The following CNTN1 variants were observed in gnomAD, a reference collection of about 807,000 sequenced individuals.
CNTN1 encodes the protein contactin-1.
In CNTN1, 38 loss-of-function variants were observed where a neutral mutation model predicts 126.4. The observed-to-expected ratio is 0.30, with a 90% CI of 0.23 to 0.39. CNTN1 has a LOEUF of 0.39. Ranked by LOEUF, CNTN1 falls within the 10% of genes least tolerant of loss-of-function variation. CNTN1 has a pLI of 1.00. For missense variants in CNTN1, 1,009 were observed against 1,248.4 expected, an observed-to-expected ratio of 0.81 and a Z score of 2.89; for synonymous variants, 413 against 422.6, an observed-to-expected ratio of 0.98 and a Z score of 0.28.
At chr12:40,918,356 C>T (rs928009250) in intron 3 of CNTN1, among the ~76,000 whole-genome samples, 3 of 152,054 alleles carry the variant, frequency 2.0e-5, no homozygotes, top group East Asian at 1.9e-4. Context: ...AAAGCATATG[C>T]GGAGGCTCAG....
intron 1 of CNTN1, among the ~76,000 whole-genome samples, chr12:40,725,401 C>CAAAA (rs34242859): frequency 6.6e-5 from 3 of 45,314 alleles, no homozygotes; most frequent in African/African-American, 9.1e-5. Context: ...AACTCTGTCT[C>CAAAA]AAAAAAAAAA....
At position 40,771,947 on chromosome 12, in the gene CNTN1, G is replaced by T. The variant is rs186360024; in HGVS notation, c.-77+79355G>T. On this transcript the variant is annotated intron_variant, in intron 1 of 23. Transcript: ENST00000551295. ...ATTTGGACAGAACACATGGCAAGTG[G>T]CAGAGGAGGATTAGAATCTAAGTCT... Among the ~76,000 whole-genome samples, 28 of 152,080 alleles carry T rather than the reference G, an allele frequency of 1.8e-4. No homozygotes were observed. The East Asian group carries it at 5.0e-3, about 27-fold the overall frequency.
chr12:40,924,312 G>C (rs1453805363), intron 5 of CNTN1, among the ~76,000 whole-genome samples: 1 of 152,108 alleles, frequency 6.6e-6, no homozygotes, highest in Non-Finnish European at 1.5e-5. Flanking sequence ...TTTCAGGGTT[G>C]TCAGAATTCT....
intron 3 of CNTN1, among the ~76,000 whole-genome samples, chr12:40,911,232 A>T (rs535861660): frequency 2.6e-5 from 4 of 151,886 alleles, no homozygotes; most frequent in East Asian, 1.9e-4. Flanking sequence ...AGGCACCCGC[A>T]ACCACGCCCG....
chr12:41,017,636 CTT>C (rs1948811098), intron 19 of CNTN1, among the ~76,000 whole-genome samples: 1 of 151,962 alleles, frequency 6.6e-6, no homozygotes, highest in Non-Finnish European at 1.5e-5. Flanking sequence ...AATACCAGCT[CTT>C]TTTGTTTTTC....
rs1457618262 is a variant in CNTN1, at chr12:40,696,763, T to G, written c.-77+4171T>G. Among the ~76,000 whole-genome samples the G allele has an allele frequency of 3.3e-5, 5 of 152,164 alleles. No individual in the cohort carries two copies. The East Asian group carries it at 7.7e-4, about 23-fold the overall frequency. ...TATCTATTTAATATTCAATTGAAAA[T>G]AATATCTTATTATTATAAGGACATC... On this transcript the variant is annotated intron_variant, in intron 1 of 23. Coordinates refer to ENST00000551295, the MANE Select transcript of CNTN1 (RefSeq NM_001843.4).
At chr12:40,816,594 C>T (rs1941263449) in intron 1 of CNTN1, among the ~76,000 whole-genome samples, 1 of 151,758 alleles carries the variant, frequency 6.6e-6, no homozygotes, top group Admixed American at 6.6e-5. Flanking sequence ...AAAAAAACAT[C>T]CCCTGAATTC....
At chr12:41,033,678 G>A (rs1462433323) in intron 23 of CNTN1, among the ~76,000 whole-genome samples, 1 of 152,022 alleles carries the variant, frequency 6.6e-6, no homozygotes, top group African/African-American at 2.4e-5. Flanking sequence ...TCGAAAATAT[G>A]TATAGGAGGG....
chr12:40,867,880 T>TTTATTATTATTATTATTA lies in CNTN1; in HGVS notation c.-76-40465_-76-40448dup, dbSNP rs138493484. 8.6e-3 allele frequency among the ~76,000 whole-genome samples: 1,282 copies of TTTATTATTATTATTATTA among 148,222 alleles called. 13 individuals carry two copies. The highest frequency in any genetic ancestry group is 0.03 in the African/African-American group (1,210 of 40,666). On this transcript the variant is annotated intron_variant, in intron 1 of 23. Coordinates refer to ENST00000551295, the MANE Select transcript of CNTN1 (RefSeq NM_001843.4). Reference sequence around the variant, plus strand: ...AGGGAGAGAAGATGGGCTTTCTGAGTTTATTATTATTATTATTATTATTAT... The same window carrying TTTATTATTATTATTATTA: ...AGGGAGAGAAGATGGGCTTTCTGAGTTTATTATTATTATTATTATTATTATTATTATTATTATTATTAT...
At chr12:40,721,234 T>C (rs1005609762) in intron 1 of CNTN1, among the ~76,000 whole-genome samples, 2 of 152,100 alleles carry the variant, frequency 1.3e-5, no homozygotes, top group Admixed American at 6.6e-5. Context: ...TCCTCTTTCA[T>C]AGCAATCTCA....
chr12:40,872,909 T>G (rs1192919103), intron 1 of CNTN1, among the ~76,000 whole-genome samples: 1 of 152,152 alleles, frequency 6.6e-6, no homozygotes, highest in Non-Finnish European at 1.5e-5. Flanking sequence ...TACAGCAACC[T>G]TATGAATCTG....
intron 1 of CNTN1, among the ~76,000 whole-genome samples, chr12:40,871,225 A>G (rs939374595): frequency 2.0e-5 from 3 of 150,792 alleles, no homozygotes; most frequent in Non-Finnish European, 3.0e-5. Context: ...CAGAAGAAGC[A>G]GCTAGAGGAT....
intron 15 of CNTN1, among the ~76,000 whole-genome samples, chr12:40,974,755 A>G (rs1400266550): frequency 6.6e-6 from 1 of 152,128 alleles, no homozygotes; most frequent in Non-Finnish European, 1.5e-5. Context: ...CCTCACCTGT[A>G]AAATAGGAAA....
intron 1 of CNTN1, among the ~76,000 whole-genome samples, chr12:40,814,975 T>C (rs1941210692): frequency 6.6e-6 from 1 of 152,128 alleles, no homozygotes; most frequent in Non-Finnish European, 1.5e-5. Flanking sequence ...GGGAGTTCAC[T>C]CATGATTTGG....
chr12:40,798,438 G>A (rs1940526307), intron 1 of CNTN1, among the ~76,000 whole-genome samples: 1 of 151,872 alleles, frequency 6.6e-6, no homozygotes, highest in Non-Finnish European at 1.5e-5. Flanking sequence ...ATTGCCTATA[G>A]ACCTGCAGCA....
At chr12:40,728,581 A>T (rs1245046766) in intron 1 of CNTN1, among the ~76,000 whole-genome samples, 1 of 152,246 alleles carries the variant, frequency 6.6e-6, no homozygotes, top group Non-Finnish European at 1.5e-5. Flanking sequence ...AAAGGAAGGC[A>T]GATGAGAAGT....
At chr12:40,954,965 C>T (rs990891037) in intron 14 of CNTN1, among the ~76,000 whole-genome samples, 3 of 152,032 alleles carry the variant, frequency 2.0e-5, no homozygotes, top group African/African-American at 7.2e-5. Flanking sequence ...ACTCATTGCT[C>T]ACATGGTTAA....
At chr12:40,804,918 G>T (rs1459917299) in intron 1 of CNTN1, among the ~76,000 whole-genome samples, 3 of 151,890 alleles carry the variant, frequency 2.0e-5, no homozygotes, top group Non-Finnish European at 2.9e-5. Flanking sequence ...CTGCGTATCA[G>T]ATTATGGATT....
Position 40,992,973 on chromosome 12 carries a change from T to G in CNTN1, c.1964-147T>G, listed in dbSNP as rs970738313. 6 of 688,686 alleles carry G rather than the reference T, an allele frequency of 8.7e-6. No individual in the cohort carries two copies. The African/African-American group carries it at 1.1e-4, about 12-fold the overall frequency. The allele number at this position is 688,686 out of a possible 1,614,324, so 42.7% of individuals were successfully genotyped here. The stretch of plus-strand genomic sequence containing the variant: ...ACCTCTTCTCTTACTCCCTTGAATT[T>G]AACATTTTGTCATTCCTAGTTGTAG... On this transcript the variant is annotated intron_variant, in intron 16 of 23. Transcript: ENST00000551295.
Sources: gnomAD v4.1 joint callset for allele counts (sites outside exome capture counted in the v4.1 genomes callset) on GRCh38, gnomAD v4.1.1 for gene constraint, MANE v1.5 for transcripts, NCBI Gene and HGNC (gene_info 2026-07-23, HGNC 2026-07-21) for gene names.